Variants in DLG2 observed in about 807,000 individuals in gnomAD.
DLG2 encodes the protein discs large MAGUK scaffold protein 2.
In DLG2, 45 loss-of-function variants were observed where a neutral mutation model predicts 132.5. The ratio of observed to expected loss-of-function variants is 0.34; its 90% confidence interval spans 0.27 to 0.44. DLG2 has a LOEUF of 0.44. Ranked by LOEUF, DLG2 falls within the 20% of genes least tolerant of loss-of-function variation. The pLI is 1.00. For missense variants in DLG2, 1,045 were observed against 1,196.9 expected, an observed-to-expected ratio of 0.87 and a Z score of 1.87; for synonymous variants, 424 against 419.6, an observed-to-expected ratio of 1.01 and a Z score of -0.13.
intron 19 of DLG2, among the ~76,000 whole-genome samples, chr11:83,579,405 C>T (rs2096932370): frequency 6.6e-6 from 1 of 152,200 alleles, no homozygotes; most frequent in Non-Finnish European, 1.5e-5. Context: ...GTAGCTATGG[C>T]AATTTTGTTT....
chr11:84,110,128 A>C (rs1447951423), intron 9 of DLG2, among the ~76,000 whole-genome samples: 3 of 152,200 alleles, frequency 2.0e-5, no homozygotes, highest in Admixed American at 2.0e-4. Flanking sequence ...ATGCCTATGA[A>C]GGCAGAAAAC....
chr11:83,569,074 T>C (rs958327956), intron 19 of DLG2, among the ~76,000 whole-genome samples: 1 of 152,204 alleles, frequency 6.6e-6, no homozygotes, highest in Non-Finnish European at 1.5e-5. Context: ...ATCAGAGTCA[T>C]TCAGAGATCT....
intron 6 of DLG2, among the ~76,000 whole-genome samples, chr11:84,841,638 C>G: frequency 6.6e-6 from 1 of 151,922 alleles, no homozygotes; most frequent in East Asian, 1.9e-4. Flanking sequence ...CATTTTTGAA[C>G]AGATTAAAAT....
At chr11:84,993,606 T>C (rs1475382678) in intron 6 of DLG2, among the ~76,000 whole-genome samples, 1 of 152,168 alleles carries the variant, frequency 6.6e-6, no homozygotes, top group African/African-American at 2.4e-5. Flanking sequence ...CGCCACTGCC[T>C]CCTACTGTCG....
chr11:84,274,578 A>G (rs2154366520), intron 7 of DLG2, among the ~76,000 whole-genome samples: 1 of 152,342 alleles, frequency 6.6e-6, no homozygotes, highest in Non-Finnish European at 1.5e-5. Flanking sequence ...TGATGATGGT[A>G]GACTGGTTCA....
At chr11:83,909,215 T>A (rs752240404) in intron 15 of DLG2, among the ~76,000 whole-genome samples, 3 of 152,240 alleles carry the variant, frequency 2.0e-5, no homozygotes, top group Admixed American at 2.0e-4. Context: ...CATTTATTAC[T>A]AAGTTGCTAC....
intron 7 of DLG2, among the ~76,000 whole-genome samples, chr11:84,417,148 A>AATGG (rs1168696954): frequency 6.6e-6 from 1 of 152,176 alleles, no homozygotes; most frequent in Non-Finnish European, 1.5e-5. Flanking sequence ...TTACTGAATA[A>AATGG]ATGGATGGAT....
chr11:85,165,434 C>CA (rs1195403261), intron 4 of DLG2, among the ~76,000 whole-genome samples: 1 of 152,146 alleles, frequency 6.6e-6, no homozygotes, highest in East Asian at 1.9e-4. Flanking sequence ...TTCTAAAGAA[C>CA]AAGAGATTCA....
chr11:83,626,878 G>A (rs1002443032), intron 19 of DLG2, among the ~76,000 whole-genome samples: 2 of 152,254 alleles, frequency 1.3e-5, no homozygotes, highest in African/African-American at 4.8e-5. Context: ...TGAGCATTCT[G>A]GAGCCATGGA....
At chr11:83,753,862 A>C (rs188476701) in intron 18 of DLG2, among the ~76,000 whole-genome samples, 3 of 7,142 alleles carry the variant, frequency 4.2e-4, no homozygotes, top group Admixed American at 2.0e-3. Flanking sequence ...TCATATATAT[A>C]TTTCATATAT....
At chr11:85,357,014 T>G (rs2083753370) in intron 3 of DLG2, among the ~76,000 whole-genome samples, 1 of 150,178 alleles carries the variant, frequency 6.7e-6, no homozygotes, top group Non-Finnish European at 1.5e-5. Flanking sequence ...GTATATAATA[T>G]TTGGCAATTT....
chr11:84,379,819 T>A (rs2098742993), intron 7 of DLG2, among the ~76,000 whole-genome samples: 1 of 151,968 alleles, frequency 6.6e-6, no homozygotes, highest in Non-Finnish European at 1.5e-5. Flanking sequence ...TTCTATAACT[T>A]AAATATACAA....
chr11:85,276,454 C>G (rs1294857036), intron 4 of DLG2, among the ~76,000 whole-genome samples: 1 of 152,116 alleles, frequency 6.6e-6, no homozygotes, highest in Non-Finnish European at 1.5e-5. Context: ...TCCATAATGA[C>G]TCAGTTTTGG....
chr11:84,702,657 CT>C (rs1244439839), intron 6 of DLG2, among the ~76,000 whole-genome samples: 5 of 151,604 alleles, frequency 3.3e-5, no homozygotes, highest in African/African-American at 1.2e-4. Flanking sequence ...CTAACTCATC[CT>C]TTCCAAGTAT....
chr11:83,580,876 C>G (rs1311690883), intron 19 of DLG2, among the ~76,000 whole-genome samples: 9 of 110,752 alleles, frequency 8.1e-5, no homozygotes, highest in Admixed American at 7.1e-4. Context: ...CCACCCTTCT[C>G]TCCCCTCCTC....
chr11:85,073,769 T>TA (rs1356437212), intron 6 of DLG2, among the ~76,000 whole-genome samples: 3 of 151,864 alleles, frequency 2.0e-5, no homozygotes, highest in Admixed American at 6.6e-5. Flanking sequence ...CAAAGGAATA[T>TA]AAATAATTAT....
At chr11:84,423,329 C>G (rs570842290) in intron 7 of DLG2, among the ~76,000 whole-genome samples, 1 of 152,180 alleles carries the variant, frequency 6.6e-6, no homozygotes, top group African/African-American at 2.4e-5. Flanking sequence ...TTTTGTCTCA[C>G]TTAGTACACT....
chr11:84,424,235 T>C (rs2098959467), intron 7 of DLG2, among the ~76,000 whole-genome samples: 1 of 152,122 alleles, frequency 6.6e-6, no homozygotes. Context: ...ACAGTGAAAC[T>C]CAAGGTTGCT....
chr11:85,354,372 A>G (rs1272703273), intron 3 of DLG2, among the ~76,000 whole-genome samples: 1 of 152,130 alleles, frequency 6.6e-6, no homozygotes, highest in Non-Finnish European at 1.5e-5. Flanking sequence ...ATAATCACTC[A>G]AAACTCAGAT....
Sources: gnomAD v4.1 joint callset for allele counts (sites outside exome capture counted in the v4.1 genomes callset) on GRCh38, gnomAD v4.1.1 for gene constraint, MANE v1.5 for transcripts, NCBI Gene and HGNC (gene_info 2026-07-23, HGNC 2026-07-21) for gene names.